Variants in NRP1 observed in about 807,000 individuals in gnomAD.
NRP1 encodes neuropilin-1.
In NRP1, 35 loss-of-function variants were observed where a neutral mutation model predicts 106.7. That is an observed-to-expected ratio of 0.33 (90% confidence interval 0.25 to 0.43). The LOEUF (loss-of-function observed/expected upper bound fraction) is 0.43. Ranked by LOEUF, NRP1 falls within the 20% of genes least tolerant of loss-of-function variation. The probability of loss-of-function intolerance (pLI) is 1.00; values close to 1 mark genes in which losing one functional copy is unlikely to be tolerated. For missense variants in NRP1, 1,024 were observed against 1,170.4 expected (o/e 0.87, Z 1.83); for synonymous variants, 437 against 417.9 (o/e 1.05, Z -0.56).
At chr10:33,194,755 G>T (rs998155018) in intron 12 of NRP1, 1 of 527,762 alleles carries the variant, frequency 1.9e-6, no homozygotes, top group Non-Finnish European at 3.9e-6. Context: ...GGAGTGAGAG[G>T]TTCAATGTGG....
chr10:33,283,213 A>G (rs1844271296), intron 2 of NRP1, among the ~76,000 whole-genome samples: 1 of 152,222 alleles, frequency 6.6e-6, no homozygotes, highest in Admixed American at 6.5e-5. Flanking sequence ...TGAAATGTAC[A>G]TGAGAAAAAC....
chr10:33,252,669 C>G (rs1841949893), intron 6 of NRP1, among the ~76,000 whole-genome samples: 2 of 152,078 alleles, frequency 1.3e-5, no homozygotes, highest in African/African-American at 2.4e-5. Context: ...GCACATCTGT[C>G]AATCATACTG....
chr10:33,274,931 A>G (rs1375904249), intron 2 of NRP1, among the ~76,000 whole-genome samples: 1 of 152,238 alleles, frequency 6.6e-6, no homozygotes, highest in Non-Finnish European at 1.5e-5. Flanking sequence ...ACGAGCATTA[A>G]TAGCTATTCA....
intron 8 of NRP1, among the ~76,000 whole-genome samples, chr10:33,216,442 C>A (rs1564391337): frequency 6.6e-6 from 1 of 151,108 alleles, no homozygotes; most frequent in Non-Finnish European, 1.5e-5. Context: ...CCCCTCTACA[C>A]CCCGGCCTTT....
chr10:33,257,162 T>C (rs1030485922), intron 4 of NRP1, among the ~76,000 whole-genome samples: 3 of 152,160 alleles, frequency 2.0e-5, no homozygotes, highest in Admixed American at 2.0e-4. Context: ...ATAATCTAAA[T>C]GAAATAAAAA....
chr10:33,235,548 C>T (rs1052558610), intron 6 of NRP1, among the ~76,000 whole-genome samples: 2 of 152,252 alleles, frequency 1.3e-5, no homozygotes, highest in Non-Finnish European at 2.9e-5. Context: ...AGACAGTCTT[C>T]ATGCATTGGA....
At chr10:33,312,305 C>G (rs1454627573) in intron 2 of NRP1, among the ~76,000 whole-genome samples, 1 of 152,130 alleles carries the variant, frequency 6.6e-6, no homozygotes, top group Non-Finnish European at 1.5e-5. Flanking sequence ...AGAAAGAAAA[C>G]AAGTTTAAAA....
intron 6 of NRP1, among the ~76,000 whole-genome samples, chr10:33,243,979 G>A (rs534091890): frequency 3.3e-5 from 5 of 151,680 alleles, no homozygotes; most frequent in African/African-American, 9.7e-5. Context: ...GCATGCTTGC[G>A]TCTGCCTATG....
chr10:33,289,817 C>T (rs1303225933), intron 2 of NRP1, among the ~76,000 whole-genome samples: 1 of 152,226 alleles, frequency 6.6e-6, no homozygotes, highest in Non-Finnish European at 1.5e-5. Flanking sequence ...GAGTGCACGA[C>T]ACACAATTCA....
At chr10:33,257,120 A>G (rs1437793463) in intron 4 of NRP1, among the ~76,000 whole-genome samples, 1 of 152,242 alleles carries the variant, frequency 6.6e-6, no homozygotes, top group Non-Finnish European at 1.5e-5. Context: ...TGGAGACTAC[A>G]TATACCAATA....
intron 13 of NRP1, among the ~76,000 whole-genome samples, chr10:33,187,935 G>A (rs572147316): frequency 1.7e-3 from 264 of 152,242 alleles, no homozygotes; most frequent in Middle Eastern, 0.01. Flanking sequence ...TCAAACCAAC[G>A]GGTGGAATCA....
intron 2 of NRP1, among the ~76,000 whole-genome samples, chr10:33,286,873 TATA>T (rs1167520043): frequency 2.6e-5 from 4 of 152,136 alleles, no homozygotes; most frequent in African/African-American, 4.8e-5. Context: ...GTGTGTGTAA[TATA>T]ATAAGATTAT....
intron 2 of NRP1, among the ~76,000 whole-genome samples, chr10:33,286,556 T>C (rs895378985): frequency 2.6e-5 from 4 of 152,136 alleles, no homozygotes; most frequent in Admixed American, 2.6e-4. Context: ...GAAGGGCTGA[T>C]CCAGGTCTCC....
At chr10:33,254,273 C>T (rs1842057653) in intron 5 of NRP1, 79 bp from the exon 6 acceptor site, 10 of 1,258,504 alleles carry the variant, frequency 7.9e-6, no homozygotes, top group South Asian at 3.0e-5. Flanking sequence ...CTTGATACAC[C>T]AAAGAGTTCT....
chr10:33,242,605 G>A (rs1389189430), intron 6 of NRP1, among the ~76,000 whole-genome samples: 6 of 152,056 alleles, frequency 3.9e-5, no homozygotes, highest in Admixed American at 3.9e-4. Flanking sequence ...TTTTTCTTCA[G>A]TATTTCACAT....
At chr10:33,292,794 C>T (rs1845096598) in intron 2 of NRP1, among the ~76,000 whole-genome samples, 1 of 152,148 alleles carries the variant, frequency 6.6e-6, no homozygotes, top group Admixed American at 6.5e-5. Flanking sequence ...TCGAGACCAG[C>T]CTGGCCAACA....
intron 2 of NRP1, among the ~76,000 whole-genome samples, chr10:33,308,134 A>G (rs866586128): frequency 2.2e-4 from 33 of 152,276 alleles, no homozygotes; most frequent in African/African-American, 7.5e-4. Flanking sequence ...AAAATAGTGC[A>G]TGTTCTCATT....
At chr10:33,296,534 A>AT (rs912499907) in intron 2 of NRP1, among the ~76,000 whole-genome samples, 3 of 152,156 alleles carry the variant, frequency 2.0e-5, no homozygotes, top group Non-Finnish European at 4.4e-5. Flanking sequence ...GGGAGGGTTG[A>AT]TCCCCAGCAG....
At chr10:33,196,064 A>C (rs1010392139) in intron 12 of NRP1, among the ~76,000 whole-genome samples, 7 of 152,232 alleles carry the variant, frequency 4.6e-5, no homozygotes, top group African/African-American at 1.7e-4. Flanking sequence ...TGTTAACAAA[A>C]CCGCTCCTGC....
Sources: gnomAD v4.1 joint callset for allele counts (sites outside exome capture counted in the v4.1 genomes callset) on GRCh38, gnomAD v4.1.1 for gene constraint, MANE v1.5 for transcripts, NCBI Gene and HGNC (gene_info 2026-07-23, HGNC 2026-07-21) for gene names.